The following NEGR1 variants were observed in gnomAD, a reference collection of about 807,000 sequenced individuals.
The protein encoded by NEGR1 is IgLON family member 4.
In NEGR1, 10 loss-of-function variants were observed where a neutral mutation model predicts 40.9. That is an observed-to-expected ratio of 0.24 (90% CI 0.15 to 0.42). The LOEUF (loss-of-function observed/expected upper bound fraction) is 0.42, where lower values mean the gene tolerates loss of function less well. Ranked by LOEUF, NEGR1 falls within the 10% of genes least tolerant of loss-of-function variation. NEGR1 has a pLI of 1.00. For synonymous variants in NEGR1, 185 were observed against 166.8 expected (o/e 1.11, Z -0.84); for missense variants, 352 against 438.9 (o/e 0.80, Z 1.77).
intron 6 of NEGR1, among the ~76,000 whole-genome samples, chr1:71,519,729 T>C (rs199723943): frequency 2.3e-5 from 3 of 128,786 alleles, no homozygotes; most frequent in African/African-American, 8.8e-5. Context: ...TAGAGTATAA[T>C]AAAAAAAAAA....
intron 1 of NEGR1, among the ~76,000 whole-genome samples, chr1:72,071,073 A>G (rs967548349): frequency 2.6e-5 from 4 of 152,106 alleles, no homozygotes; most frequent in African/African-American, 4.8e-5. Flanking sequence ...AAAATTAAAC[A>G]GAAGATTCAA....
chr1:71,576,920 C>A (rs1013975212), intron 6 of NEGR1, among the ~76,000 whole-genome samples: 2 of 152,132 alleles, frequency 1.3e-5, no homozygotes, highest in Non-Finnish European at 2.9e-5. Flanking sequence ...GAACAAAAAT[C>A]ATAGAAGGGG....
chr1:71,899,595 A>G (rs573333172), intron 2 of NEGR1, among the ~76,000 whole-genome samples: 41 of 152,312 alleles, frequency 2.7e-4, no homozygotes, highest in African/African-American at 9.1e-4. Context: ...ATCTGCGTAT[A>G]ACCCCATTTA....
intron 6 of NEGR1, among the ~76,000 whole-genome samples, chr1:71,575,033 A>G (rs1364492324): frequency 6.6e-6 from 1 of 152,174 alleles, no homozygotes; most frequent in African/African-American, 2.4e-5. Flanking sequence ...ATTTTCAGGG[A>G]AGAAGAATAA....
At chr1:71,470,251 T>C (rs937839489) in intron 6 of NEGR1, among the ~76,000 whole-genome samples, 2 of 152,090 alleles carry the variant, frequency 1.3e-5, no homozygotes, top group Non-Finnish European at 2.9e-5. Flanking sequence ...ATCGAAGTTA[T>C]TTATTTTTTG....
At chr1:71,602,893 T>C (rs1557583658) in intron 5 of NEGR1, among the ~76,000 whole-genome samples, 1 of 152,354 alleles carries the variant, frequency 6.6e-6, no homozygotes, top group East Asian at 1.9e-4. Flanking sequence ...TCCCAGTAGC[T>C]GAAATGCTTT....
intron 1 of NEGR1, among the ~76,000 whole-genome samples, chr1:72,222,571 A>G (rs1164987348): frequency 6.6e-6 from 1 of 152,130 alleles, no homozygotes; most frequent in Non-Finnish European, 1.5e-5. Flanking sequence ...ATGTAAAATC[A>G]TTGTTTTAAG....
intron 1 of NEGR1, among the ~76,000 whole-genome samples, chr1:72,251,320 GTAGA>G (rs1211441970): frequency 9.9e-5 from 15 of 152,106 alleles, no homozygotes; most frequent in African/African-American, 3.6e-4. Flanking sequence ...AATGTATTAT[GTAGA>G]TATTTTTCCA....
At chr1:71,868,496 A>G (rs957649030) in intron 2 of NEGR1, among the ~76,000 whole-genome samples, 3 of 151,976 alleles carry the variant, frequency 2.0e-5, no homozygotes, top group African/African-American at 7.3e-5. Flanking sequence ...ACATACATAC[A>G]TACATACATA....
intron 6 of NEGR1, among the ~76,000 whole-genome samples, chr1:71,519,749 A>G (rs1257912173): frequency 2.7e-5 from 4 of 150,200 alleles, no homozygotes; most frequent in African/African-American, 7.5e-5. Context: ...AAAAAATTAA[A>G]AAAAAACAAA....
chr1:71,726,006 A>C (rs1292949834), intron 3 of NEGR1, among the ~76,000 whole-genome samples: 2 of 152,142 alleles, frequency 1.3e-5, no homozygotes, highest in Admixed American at 6.6e-5. Flanking sequence ...GTGCTGAAAA[A>C]TTTATCAAAG....
At chr1:71,468,073 C>T (rs1037570359) in intron 6 of NEGR1, among the ~76,000 whole-genome samples, 1 of 151,870 alleles carries the variant, frequency 6.6e-6, no homozygotes, top group Admixed American at 6.6e-5. Flanking sequence ...TAATATTATA[C>T]AAATATAATA....
chr1:71,615,036 A>T (rs951783091), intron 4 of NEGR1, among the ~76,000 whole-genome samples: 9 of 152,224 alleles, frequency 5.9e-5, no homozygotes, highest in Admixed American at 5.9e-4. Flanking sequence ...ATAGAGTTAA[A>T]GGTCCAAGTG....
rs573104226 is a variant in NEGR1 at position 71,578,538 on chromosome 1, A to G, written c.940+14279T>C. ...CTAATCACAAGACAAGGTGTTATAC[A>G]TCTATATAGAAAAGTTCTTAATGGA... On this transcript the variant is annotated intron_variant, in intron 6 of 6. Transcript: ENST00000357731. Among the ~76,000 whole-genome samples, 19 of 152,230 alleles carry G rather than the reference A, an allele frequency of 1.2e-4. No individual in the cohort carries two copies. The South Asian group carries it at 2.3e-3, about 18-fold the overall frequency.
At chr1:71,583,188 G>GT (rs1476427745) in intron 6 of NEGR1, among the ~76,000 whole-genome samples, 3 of 151,724 alleles carry the variant, frequency 2.0e-5, no homozygotes, top group Non-Finnish European at 4.4e-5. Context: ...AGTCAGTAAC[G>GT]TAAAAAAAAC....
At chr1:71,974,499 C>T (rs1172097208) in intron 1 of NEGR1, among the ~76,000 whole-genome samples, 2 of 151,988 alleles carry the variant, frequency 1.3e-5, no homozygotes, top group South Asian at 2.1e-4. Flanking sequence ...AAATATTCTA[C>T]AAATTGACAT....
Position 71,422,209 on chromosome 1 carries a change from T to C in NEGR1, c.941-14639A>G, listed in dbSNP as rs189713899. On this transcript the variant is annotated intron_variant, in intron 6 of 6. Coordinates refer to ENST00000357731, the MANE Select transcript of NEGR1 (RefSeq NM_173808.3). Reference sequence around the variant, plus strand: ...AGCCACATTCTTGTTTATTACAGAGTGACAGTAATAAATTTTCAGGATTTC... The same window carrying C: ...AGCCACATTCTTGTTTATTACAGAGCGACAGTAATAAATTTTCAGGATTTC... Among the ~76,000 whole-genome samples, 649 of 152,242 alleles carry C rather than the reference T, an allele frequency of 4.3e-3. 6 individuals carry two copies. Among genetic ancestry groups the C allele is most frequent in the African/African-American group, 0.015 (626 of 41,556 alleles).
chr1:71,511,209 T>C (rs567660741), intron 6 of NEGR1, among the ~76,000 whole-genome samples: 1 of 152,208 alleles, frequency 6.6e-6, no homozygotes, highest in Non-Finnish European at 1.5e-5. Context: ...TGTTCACTAG[T>C]AAGAAAGGAA....
At position 71,846,398 on chromosome 1, in the gene NEGR1, C is replaced by CAT. The variant is rs1279018191; in HGVS notation, c.410-70102_410-70101insAT. Reference sequence around the variant, plus strand: ...ACCCACCCACCCACACACACACACACACACAAACACACACACAAACACACA... The same window carrying CAT: ...ACCCACCCACCCACACACACACACACATACACAAACACACACACAAACACACA... On this transcript the variant is annotated intron_variant, in intron 2 of 6. Coordinates refer to ENST00000357731, the MANE Select transcript of NEGR1 (RefSeq NM_173808.3). 2.6e-3 allele frequency among the ~76,000 whole-genome samples: 359 copies of CAT among 136,590 alleles called. 1 individual carries two copies. Among genetic ancestry groups the CAT allele is most frequent in the African/African-American group, 9.6e-3 (347 of 35,974 alleles). The allele number at this position is 136,590 out of a possible 152,430, so 89.6% of individuals were successfully genotyped here.
Sources: gnomAD v4.1 joint callset for allele counts (sites outside exome capture counted in the v4.1 genomes callset) on GRCh38, gnomAD v4.1.1 for gene constraint, MANE v1.5 for transcripts, NCBI Gene and HGNC (gene_info 2026-07-23, HGNC 2026-07-21) for gene names.